Variants in CTIF observed in about 807,000 individuals in gnomAD.
CTIF encodes the protein CBP80/20-dependent translation initiation factor.
CTIF carries 21 observed loss-of-function variants against 66.0 expected under a neutral mutation model. That is an observed-to-expected ratio of 0.32 (90% CI 0.23 to 0.46). CTIF has a LOEUF of 0.46. Among genes scored for constraint, CTIF ranks in the 20% least tolerant of loss-of-function variants. The pLI is 1.00. For missense variants in CTIF, 739 were observed against 812.7 expected, an observed-to-expected ratio of 0.91 and a Z score of 1.10; for synonymous variants, 345 against 326.4, an observed-to-expected ratio of 1.06 and a Z score of -0.62.
chr18:48,674,742 G>A (rs1390784294), intron 6 of CTIF, among the ~76,000 whole-genome samples: 1 of 152,194 alleles, frequency 6.6e-6, no homozygotes, highest in Non-Finnish European at 1.5e-5. Context: ...GTAGACAGTA[G>A]GTGTCTGTGT....
At chr18:48,764,078 G>T (rs1347443252) in intron 9 of CTIF, among the ~76,000 whole-genome samples, 1 of 151,934 alleles carries the variant, frequency 6.6e-6, no homozygotes, top group Admixed American at 6.6e-5. Flanking sequence ...CTCTCCCCCA[G>T]AATTCACTTC....
rs531831122 is a variant in CTIF at position 48,604,599 on chromosome 18, A to C, written c.-28-14939A>C. ...GAGATTCCAACCCAAGTCAATAATC[A>C]TGGGGCCAATCCATGTACATTACTT... is the stretch of plus-strand genomic sequence containing the variant. On this transcript the variant is annotated intron_variant, in intron 1 of 11. Coordinates refer to ENST00000256413, the MANE Select transcript of CTIF (RefSeq NM_014772.3). Among the ~76,000 whole-genome samples, 5 of 152,324 alleles carry C rather than the reference A, an allele frequency of 3.3e-5. No individual in the cohort carries two copies. The East Asian group carries it at 9.7e-4, about 29-fold the overall frequency.
chr18:48,649,773 G>GTATTTGCTGTTCTGCAA (rs1291239219), intron 3 of CTIF, among the ~76,000 whole-genome samples: 3 of 152,060 alleles, frequency 2.0e-5, no homozygotes, highest in Non-Finnish European at 2.9e-5. Flanking sequence ...TCAGGCAGCA[G>GTATTTGCTGTTCTGCAA]TATTTGCTGT....
intron 3 of CTIF, among the ~76,000 whole-genome samples, chr18:48,655,653 C>T (rs12455776): frequency 0.58 from 87,825 of 151,530 alleles, 28,393 homozygotes; most frequent in East Asian, 0.85. Flanking sequence ...ACTGAGGGTG[C>T]ACTGTATCAG....
At chr18:48,664,954 C>CCGGACTGCGGACTG (rs373186407) in intron 5 of CTIF, among the ~76,000 whole-genome samples, 1 of 142,828 alleles carries the variant, frequency 7.0e-6, no homozygotes, top group Non-Finnish European at 1.5e-5. Flanking sequence ...GTCGCCCAGG[C>CCGGACTGCGGACTG]CGGACTGCGG....
chr18:48,629,458 CTTCT>C (rs1245547539), intron 2 of CTIF, among the ~76,000 whole-genome samples: 1 of 151,968 alleles, frequency 6.6e-6, no homozygotes, highest in East Asian at 1.9e-4. Flanking sequence ...GTATGTAAAA[CTTCT>C]TTCTAAATCA....
intron 1 of CTIF, chr18:48,566,696 G>A (rs1294094083): frequency 6.6e-6 from 1 of 152,188 alleles, no homozygotes; most frequent in Non-Finnish European, 1.5e-5. Context: ...AGAGGTGACA[G>A]CTAGAAAAGC....
intron 10 of CTIF, among the ~76,000 whole-genome samples, chr18:48,846,880 C>T (rs181744859): frequency 2.4e-4 from 37 of 151,902 alleles, no homozygotes; most frequent in African/African-American, 8.5e-4. Context: ...GATGAGTAGG[C>T]AAGTAGACAG....
At chr18:48,565,799 G>A (rs17828591) in intron 1 of CTIF, 11,119 of 152,284 alleles carry the variant, frequency 0.073, 493 homozygotes, top group South Asian at 0.12. Flanking sequence ...TGGCTTGGGC[G>A]CCCCACCCTG....
intron 7 of CTIF, among the ~76,000 whole-genome samples, chr18:48,720,577 A>T (rs1199294191): frequency 3.3e-5 from 5 of 152,168 alleles, no homozygotes; most frequent in African/African-American, 9.7e-5. Flanking sequence ...GCCCTGTCAG[A>T]TTCTAAGCAA....
chr18:48,618,866 A>G (rs565980119), intron 1 of CTIF, among the ~76,000 whole-genome samples: 2 of 152,352 alleles, frequency 1.3e-5, no homozygotes, highest in South Asian at 4.1e-4. Flanking sequence ...TGGCTAGGCC[A>G]TATCAGCATA....
At chr18:48,654,390 C>G (rs2091209393) in intron 3 of CTIF, among the ~76,000 whole-genome samples, 1 of 152,176 alleles carries the variant, frequency 6.6e-6, no homozygotes, top group Admixed American at 6.5e-5. Flanking sequence ...TCATCACTGG[C>G]CATCAGAGAA....
rs942032486 is a variant in CTIF at position 48,758,022 on chromosome 18, G to A, written c.688G>A (p.Gly230Ser). The change falls in exon 8 of 12, where the codon GGC becomes AGC. Residue 230 changes from glycine to serine, a missense_variant. Coordinates refer to ENST00000256413, the MANE Select transcript of CTIF (RefSeq NM_014772.3). ...NRDHQKSYQGGSAPHPSGRPT... is the reference protein window; with the variant it reads ...NRDHQKSYQGSSAPHPSGRPT... ...GGACCACCAGAAATCCTACCAGGGG[G>A]GCTCAGCACCCCACCCCTCAGGGAG... 6.2e-7 allele frequency: 1 copy of A among 1,614,018 alleles called. No homozygotes were observed. Among genetic ancestry groups the A allele is most frequent in the Non-Finnish European group, 8.5e-7 (1 of 1,179,986 alleles).
At chr18:48,705,216 C>T (rs1306880684) in intron 6 of CTIF, among the ~76,000 whole-genome samples, 4 of 152,172 alleles carry the variant, frequency 2.6e-5, no homozygotes, top group African/African-American at 7.2e-5. Context: ...GGCCGGGCTG[C>T]GCTCCTTCTT....
chr18:48,620,706 C>T (rs559637780), intron 2 of CTIF, among the ~76,000 whole-genome samples: 13 of 152,288 alleles, frequency 8.5e-5, no homozygotes, highest in Admixed American at 3.9e-4. Flanking sequence ...TCTGGGGATC[C>T]GCCTCTCGTG....
chr18:48,634,995 A>AT (rs149400350), intron 2 of CTIF, among the ~76,000 whole-genome samples: 2,323 of 152,278 alleles, frequency 0.015, 19 homozygotes, highest in Non-Finnish European at 0.025. Flanking sequence ...ATTTCATTTA[A>AT]TTTTACCTGT....
At chr18:48,556,259 T>A (rs1225629001) in intron 1 of CTIF, among the ~76,000 whole-genome samples, 3 of 152,258 alleles carry the variant, frequency 2.0e-5, no homozygotes, top group African/African-American at 4.8e-5. Context: ...GGCATCACTG[T>A]GGAGTGGTAG....
At chr18:48,604,168 G>GATT (rs2090159914) in intron 1 of CTIF, among the ~76,000 whole-genome samples, 1 of 63,264 alleles carries the variant, frequency 1.6e-5, no homozygotes. Context: ...TTTTTTAAGG[G>GATT]TTTTTTTTTT....
intron 7 of CTIF, among the ~76,000 whole-genome samples, chr18:48,757,469 C>T (rs546279052): frequency 2.6e-5 from 4 of 152,136 alleles, no homozygotes; most frequent in African/African-American, 9.6e-5. Context: ...TAGGAAGGTG[C>T]TTGTAAGAAG....
Sources: gnomAD v4.1 joint callset for allele counts (sites outside exome capture counted in the v4.1 genomes callset) on GRCh38, gnomAD v4.1.1 for gene constraint, MANE v1.5 for transcripts, NCBI Gene and HGNC (gene_info 2026-07-23, HGNC 2026-07-21) for gene names.